PDLIM1: variants seen among roughly 807,000 people sequenced by gnomAD.
The protein encoded by PDLIM1 is PDZ and LIM domain protein 1.
In PDLIM1, 25 loss-of-function variants were observed where a neutral mutation model predicts 35.2. The observed-to-expected ratio is 0.71, with a 90% CI of 0.52 to 0.99. The LOEUF (loss-of-function observed/expected upper bound fraction) is 0.99, where lower values mean the gene tolerates loss of function less well. PDLIM1 is among the 50% of genes least tolerant of loss of function. The probability of loss-of-function intolerance (pLI) is 0.00; values close to 1 mark genes in which losing one functional copy is unlikely to be tolerated. For synonymous variants in PDLIM1, 152 were observed against 154.0 expected (o/e 0.99, Z 0.10); for missense variants, 363 against 415.3 (o/e 0.87, Z 1.09).
intron 3 of PDLIM1, among the ~76,000 whole-genome samples, chr10:95,265,211 T>TAA (rs11353674): frequency 2.7e-5 from 4 of 148,874 alleles, no homozygotes; most frequent in Non-Finnish European, 4.5e-5. Context: ...TATGCTTTCT[T>TAA]AAAAAAAAAA....
In PDLIM1 at chr10:95,278,607, G is replaced by A. The variant is rs45487391; in HGVS notation, c.97-6823C>T. Among the ~76,000 whole-genome samples, 704 of 150,980 alleles carry A rather than the reference G, an allele frequency of 4.7e-3. 5 individuals are homozygous for A. Among genetic ancestry groups the A allele is most frequent in the African/African-American group, 0.016 (653 of 40,920 alleles). ...GGAAAAAAGCAAAAGGAAAGAGCATGCCAAGTCTCAAAAAAAAAAAAGAAA... is the reference window on the plus strand; with the variant it reads ...GGAAAAAAGCAAAAGGAAAGAGCATACCAAGTCTCAAAAAAAAAAAAGAAA... On this transcript the variant is annotated intron_variant, in intron 1 of 6. Coordinates refer to ENST00000329399, the MANE Select transcript of PDLIM1 (RefSeq NM_020992.4).
At chr10:95,247,162 C>A in intron 5 of PDLIM1, 53 bp downstream of exon 5, 2 of 1,531,502 alleles carry the variant, frequency 1.3e-6, no homozygotes, top group East Asian at 4.5e-5. Flanking sequence ...CAATGACTGA[C>A]TCTCACATCT....
chr10:95,253,850 G>A (rs1179234272), intron 4 of PDLIM1, among the ~76,000 whole-genome samples: 1 of 152,092 alleles, frequency 6.6e-6, no homozygotes, highest in Non-Finnish European at 1.5e-5. Flanking sequence ...TTGTAAGCAG[G>A]GGAGGGCAAA....
At position 95,242,544 on chromosome 10, in the gene PDLIM1, G is replaced by A. The variant is rs182173384; in HGVS notation, c.686-3859C>T. Among the ~76,000 whole-genome samples, 316 of 151,952 alleles carry A rather than the reference G, an allele frequency of 2.1e-3. 5 individuals carry two copies. The highest frequency in any genetic ancestry group is 3.5e-4 in the Non-Finnish European group (24 of 67,982). On this transcript the variant is annotated intron_variant, in intron 5 of 6. Transcript: ENST00000329399. ...TCTACTAACAATACAGAAACTAGCC[G>A]GGCATTGTGGGACGTGCCTGTAGTC...
intron 1 of PDLIM1, among the ~76,000 whole-genome samples, chr10:95,284,340 A>G (rs1418495146): frequency 6.6e-6 from 1 of 152,002 alleles, no homozygotes; most frequent in Admixed American, 6.6e-5. Context: ...CATCAACCAT[A>G]TTTAATCTAT....
At chr10:95,276,337 C>A (rs1311750259) in intron 1 of PDLIM1, among the ~76,000 whole-genome samples, 1 of 152,138 alleles carries the variant, frequency 6.6e-6, no homozygotes, top group Non-Finnish European at 1.5e-5. Flanking sequence ...TCTGCAGTGG[C>A]CTTCTACATA....
intron 5 of PDLIM1, among the ~76,000 whole-genome samples, chr10:95,246,070 G>A (rs1381606816): frequency 6.6e-6 from 1 of 152,192 alleles, no homozygotes; most frequent in Non-Finnish European, 1.5e-5. Flanking sequence ...GTCCATGAGA[G>A]AGATAGAGGG....
intron 1 of PDLIM1, among the ~76,000 whole-genome samples, chr10:95,277,688 A>G (rs1395448955): frequency 6.6e-6 from 1 of 151,960 alleles, no homozygotes; most frequent in African/African-American, 2.4e-5. Flanking sequence ...TAGGCACAAC[A>G]ATTTCCACTA....
At chr10:95,280,460 A>G (rs1266297782) in intron 1 of PDLIM1, among the ~76,000 whole-genome samples, 2 of 152,224 alleles carry the variant, frequency 1.3e-5, no homozygotes, top group Non-Finnish European at 1.5e-5. Context: ...GGCTCAGTTT[A>G]AAAGTTATGG....
At chr10:95,258,842 C>A (rs986855649) in intron 4 of PDLIM1, among the ~76,000 whole-genome samples, 2 of 151,712 alleles carry the variant, frequency 1.3e-5, no homozygotes, top group East Asian at 1.9e-4. Flanking sequence ...AAAAGACAAA[C>A]CCATAAAACA....
chr10:95,279,217 C>T (rs948004745), intron 1 of PDLIM1, among the ~76,000 whole-genome samples: 2 of 152,146 alleles, frequency 1.3e-5, no homozygotes, highest in African/African-American at 4.8e-5. Context: ...GAGACACATG[C>T]TCTCCATTTA....
intron 1 of PDLIM1, among the ~76,000 whole-genome samples, chr10:95,276,931 G>A (rs1392069586): frequency 7.0e-6 from 1 of 143,734 alleles, no homozygotes; most frequent in East Asian, 2.0e-4. Context: ...AAAACTTCTG[G>A]GCCAGGCATG....
At chr10:95,262,331 G>A (rs913569498) in intron 4 of PDLIM1, among the ~76,000 whole-genome samples, 3 of 152,168 alleles carry the variant, frequency 2.0e-5, no homozygotes, top group Non-Finnish European at 4.4e-5. Flanking sequence ...ATGGCAAAGC[G>A]GGCTTCAGAG....
rs897580701 is a variant in PDLIM1, at chr10:95,237,756, G to A, written c.*169C>T. ...TCCTTTAATTGTAAAAGCGGGCATC[G>A]CACAGCTGGTGTGAGTCAATTAACC... On this transcript the variant is annotated 3_prime_UTR_variant, in exon 7 of 7. Transcript: ENST00000329399. 55 of 591,390 alleles carry A rather than the reference G, an allele frequency of 9.3e-5. No homozygotes were observed. The South Asian group carries it at 9.9e-4, about 11-fold the overall frequency. The allele number at this position is 591,390 out of a possible 1,614,324, so 36.6% of individuals were successfully genotyped here. A position where few individuals can be genotyped will look rare whatever the true frequency, so the allele number is the denominator to read the frequency against.
At position 95,237,869 on chromosome 10, in the gene PDLIM1, TGA is replaced by T; in HGVS notation, c.*54_*55del. Reference sequence around the variant, plus strand: ...TCAAGAGAGGAGAGGGCCAGAACACTGAGAGAAAAAGCTGCAGCAGAGGCCTG... The same window carrying T: ...TCAAGAGAGGAGAGGGCCAGAACACTGAGAAAAAGCTGCAGCAGAGGCCTG... On this transcript the variant is annotated 3_prime_UTR_variant, in exon 7 of 7. Coordinates refer to ENST00000329399, the MANE Select transcript of PDLIM1 (RefSeq NM_020992.4). 6.7e-7 allele frequency: 1 copy of T among 1,496,578 alleles called. No individual in the cohort carries two copies. Among genetic ancestry groups the T allele is most frequent in the Non-Finnish European group, 9.2e-7 (1 of 1,084,890 alleles). 92.7% of individuals were successfully genotyped at this position (1,496,578 alleles called of 1,614,324 possible).
At position 95,271,748 on chromosome 10, in the gene PDLIM1, A is replaced by G; in HGVS notation, c.133T>C (p.Cys45Arg). ...ATGGCTGTGATTACATCTCCAATAC[A>G]TAAATTAGCTAGAGCCGCCTTGCTT... is the stretch of plus-strand genomic sequence containing the variant. ...PGSKAALANL[C>R]IGDVITAIDG... is the part of the protein sequence containing the mutation. The change falls in exon 2 of 7, where the codon TGT becomes CGT. Residue 45 changes from cysteine (C) to arginine (R), a missense_variant. Physicochemically the swap from Cys to Arg is radical, Grantham distance 180. Transcript: ENST00000329399. 6.8e-6 allele frequency: 11 copies of G among 1,612,612 alleles called. No individual in the cohort carries two copies. Among genetic ancestry groups the G allele is most frequent in the Non-Finnish European group, 9.3e-6 (11 of 1,179,560 alleles).
At chr10:95,267,164 T>C (rs1173602614) in intron 3 of PDLIM1, among the ~76,000 whole-genome samples, 4 of 152,236 alleles carry the variant, frequency 2.6e-5, no homozygotes, top group Non-Finnish European at 4.4e-5. Flanking sequence ...AGAATTTTTG[T>C]AATCTGAAGA....
In PDLIM1 at chr10:95,238,655, C is replaced by T. The variant is rs1281332152; in HGVS notation, c.716G>A (p.Ser239Asn). The change falls in exon 6 of 7, where the codon AGT (serine) becomes AAT (asparagine). Residue 239 changes from serine (S) to asparagine (N), a missense_variant. By Grantham distance (46) the Ser-to-Asn change is conservative. Transcript: ENST00000329399. ...CACTTTAGTGACAGGAGCTTTAACA[C>T]TTCTGAATCCTGAGGGCTTGTTGGG... ...GDPNKPSGFR[S>N]VKAPVTKVAA... is the part of the protein sequence containing the mutation. 1.2e-6 allele frequency: 2 copies of T among 1,613,640 alleles called. No homozygotes were observed. The highest frequency in any genetic ancestry group is 1.1e-5 in the South Asian group (1 of 91,072).
At chr10:95,252,860 GA>G (rs900658824) in intron 4 of PDLIM1, among the ~76,000 whole-genome samples, 3 of 150,874 alleles carry the variant, frequency 2.0e-5, no homozygotes, top group African/African-American at 4.9e-5. Flanking sequence ...AGAATGGGGA[GA>G]AAAAAAAGAA....
Sources: allele counts gnomAD v4.1 joint callset (sites outside exome capture counted in the v4.1 genomes callset), GRCh38; gene constraint gnomAD v4.1.1; transcripts MANE v1.5; gene names NCBI Gene and HGNC (gene_info 2026-07-23, HGNC 2026-07-21).